LAMA3: variants seen among roughly 807,000 people sequenced by gnomAD.
LAMA3 encodes the protein laminin subunit alpha 3.
In LAMA3, 281 loss-of-function variants were observed where a neutral mutation model predicts 402.0. That is an observed-to-expected ratio of 0.70 (90% confidence interval 0.63 to 0.77). The LOEUF (loss-of-function observed/expected upper bound fraction) is 0.77. LAMA3 is among the 30% of genes least tolerant of loss of function. The pLI is 0.00. For missense variants in LAMA3, 3,840 were observed against 4,215.5 expected (o/e 0.91, Z 2.47); for synonymous variants, 1,431 against 1,558.4 (o/e 0.92, Z 1.93).
intron 29 of LAMA3, 72 bp downstream of exon 29, chr18:23,842,822 C>T: frequency 6.3e-7 from 1 of 1,577,678 alleles, no homozygotes; most frequent in Non-Finnish European, 8.7e-7. Context: ...GTCTGTTTAG[C>T]TCATGGAAAT....
intron 29 of LAMA3, among the ~76,000 whole-genome samples, chr18:23,844,704 T>C (rs192665129): frequency 1.2e-4 from 19 of 152,312 alleles, no homozygotes; most frequent in Admixed American, 1.2e-3. Context: ...GTTGAAAATC[T>C]CTTATCTGAA....
chr18:23,827,804 A>G (rs2144468746), intron 23 of LAMA3, among the ~76,000 whole-genome samples: 1 of 152,258 alleles, frequency 6.6e-6, no homozygotes, highest in South Asian at 2.1e-4. Flanking sequence ...ATGAGACTCA[A>G]TCTAGTAAGC....
At chr18:23,931,440 T>C (rs1343309902) in intron 65 of LAMA3, 1 of 493,190 alleles carries the variant, frequency 2.0e-6, no homozygotes, top group East Asian at 3.6e-5. Flanking sequence ...GAGGGTTGCT[T>C]GAGGCCAAGA....
intron 7 of LAMA3, among the ~76,000 whole-genome samples, chr18:23,759,873 A>G (rs1485580117): frequency 1.3e-5 from 2 of 152,150 alleles, no homozygotes; most frequent in Non-Finnish European, 2.9e-5. Context: ...TCTGAGTCCC[A>G]GGTGTTGCTT....
At position 23,758,187 on chromosome 18, in the gene LAMA3, C is replaced by T. The variant is rs555449512; in HGVS notation, c.948-209C>T. ...CAGGTATCTTAATACCTCTGATTCT[C>T]AGTCTCACCATCTGTAAAATGGAGA... On this transcript the variant is annotated intron_variant, in intron 6 of 74. Coordinates refer to ENST00000313654, the MANE Select transcript of LAMA3 (RefSeq NM_198129.4). Among the ~76,000 whole-genome samples, 20 of 152,368 alleles carry T rather than the reference C, an allele frequency of 1.3e-4. No individual in the cohort carries two copies. In the South Asian group the frequency reaches 3.9e-3, roughly 30 times the overall value.
chr18:23,803,344 A>G (rs886843775), intron 12 of LAMA3, among the ~76,000 whole-genome samples: 1 of 152,152 alleles, frequency 6.6e-6, no homozygotes, highest in Non-Finnish European at 1.5e-5. Context: ...GGTGAGTGGA[A>G]GTACATTTTG....
At chr18:23,734,080 G>A (rs1382672869) in intron 2 of LAMA3, among the ~76,000 whole-genome samples, 1 of 152,240 alleles carries the variant, frequency 6.6e-6, no homozygotes, top group African/African-American at 2.4e-5. Context: ...CGTGGGACAC[G>A]TGAGTGGAGA....
At chr18:23,766,771 A>C (rs867712256) in intron 8 of LAMA3, among the ~76,000 whole-genome samples, 76 of 152,132 alleles carry the variant, frequency 5.0e-4, no homozygotes, top group African/African-American at 1.7e-3. Context: ...CCCAGGAGGC[A>C]GAGGTTGCAG....
At position 23,933,782 on chromosome 18, in the gene LAMA3, G is replaced by A; in HGVS notation, c.8709G>A (p.Arg2903=). ...TCTTTCATTTCTGCTCTTTTTCCAG[G>A]TTATCACTGAGTCCTGAAGTCCTAG... ...EGCISNVFVQ[R]LSLSPEVLDL... is the part of the protein sequence containing the mutation. The change falls in exon 67 of 75, where the codon AGG becomes AGA. Residue 2903 remains arginine, a splice_region_variant and synonymous_variant. Coordinates refer to ENST00000313654, the MANE Select transcript of LAMA3 (RefSeq NM_198129.4). The A allele has an allele frequency of 2.5e-6, 4 of 1,614,066 alleles. No homozygotes were observed. The highest frequency in any genetic ancestry group is 1.7e-4 in the Middle Eastern group (1 of 6,010).
intron 69 of LAMA3, among the ~76,000 whole-genome samples, chr18:23,945,919 C>CT (rs903841734): frequency 1.0e-3 from 155 of 150,818 alleles, no homozygotes; most frequent in African/African-American, 3.6e-3. Flanking sequence ...TCTAAGCAAC[C>CT]TTTTTTTTTC....
At chr18:23,917,736 T>G (rs544785566) in intron 60 of LAMA3, among the ~76,000 whole-genome samples, 6 of 152,346 alleles carry the variant, frequency 3.9e-5, no homozygotes, top group East Asian at 3.9e-4. Flanking sequence ...ATTTAAGTTC[T>G]GATAGATTCT....
At position 23,833,855 on chromosome 18, in the gene LAMA3, C is replaced by G; in HGVS notation, c.2851C>G (p.Pro951Ala). 6.2e-7 allele frequency: 1 copy of G among 1,613,700 alleles called. No homozygotes were observed. Among genetic ancestry groups the G allele is most frequent in the Non-Finnish European group, 8.5e-7 (1 of 1,180,036 alleles). Reference sequence around the variant, plus strand: ...GGAATTGCATCTGCGGCTGCGCATCCCACAGGTTGGCCACTACGTGGTTGT... The same window carrying G: ...GGAATTGCATCTGCGGCTGCGCATCGCACAGGTTGGCCACTACGTGGTTGT... ...EVELHLRLRI[P>A]QVGHYVVVVE... The change falls in exon 24 of 75, where the codon CCA (proline) becomes GCA (alanine). Residue 951 changes from proline to alanine, a missense_variant. Coordinates refer to ENST00000313654, the MANE Select transcript of LAMA3 (RefSeq NM_198129.4).
rs758215903 is a variant in LAMA3 at position 23,817,847 on chromosome 18, A to G, written c.2147+1360A>G. Among the ~76,000 whole-genome samples, 218 of 152,296 alleles carry G rather than the reference A, an allele frequency of 1.4e-3. 2 individuals are homozygous for G. Among genetic ancestry groups the G allele is most frequent in the Non-Finnish European group, 1.6e-3 (107 of 68,020 alleles). On this transcript the variant is annotated intron_variant, in intron 18 of 74. Transcript: ENST00000313654. ...AGACCATTGAGCCTCCCCATGGGCC[A>G]GGGGAGCTTTGTAAATGCCTGCATA...
Position 23,943,891 on chromosome 18 carries a change from C to G in LAMA3, c.9130C>G (p.Leu3044Val). 4 of 1,614,048 alleles carry G rather than the reference C, an allele frequency of 2.5e-6. No individual in the cohort carries two copies. The highest frequency in any genetic ancestry group is 3.4e-6 in the Non-Finnish European group (4 of 1,179,930). Residue 3044 changes from leucine to valine, a missense_variant, in exon 69 of 75, where the codon CTG (leucine) becomes GTG (valine). Around this residue, in one of 3 missense-constraint regions of LAMA3, gnomAD observed 840 missense variants for 981.9 expected, o/e 0.86. Coordinates refer to ENST00000313654, the MANE Select transcript of LAMA3 (RefSeq NM_198129.4). ...GGCTCTTTATCTTTCAAAAGGACGT[C>G]TGGTCTTTGCACTGGGGACAGATGG... ...FMALYLSKGR[L>V]VFALGTDGKK...
At chr18:23,728,124 C>G (rs1043606431) in intron 2 of LAMA3, among the ~76,000 whole-genome samples, 5 of 152,200 alleles carry the variant, frequency 3.3e-5, no homozygotes, top group African/African-American at 1.2e-4. Context: ...TCTCCTCTGG[C>G]TCAGATTTGG....
chr18:23,772,592 G>C (rs2062225247), intron 8 of LAMA3, among the ~76,000 whole-genome samples: 1 of 152,198 alleles, frequency 6.6e-6, no homozygotes, highest in South Asian at 2.1e-4. Flanking sequence ...AGTGAATTCA[G>C]ATTTTAGCCT....
chr18:23,884,479 C>T (rs1382703710), intron 40 of LAMA3, among the ~76,000 whole-genome samples: 2 of 152,134 alleles, frequency 1.3e-5, no homozygotes, highest in African/African-American at 4.8e-5. Context: ...CTGTTGTAAT[C>T]ATCTCTTCCA....
chr18:23,879,814 G>A lies in LAMA3; in HGVS notation c.5113-2122G>A, dbSNP rs1270476534. Among the ~76,000 whole-genome samples, 1 of 152,180 alleles carries A rather than the reference G, an allele frequency of 6.6e-6. No homozygotes were observed. Among genetic ancestry groups the A allele is most frequent in the African/African-American group, 2.4e-5 (1 of 41,440 alleles). On this transcript the variant is annotated intron_variant, in intron 39 of 74. Coordinates refer to ENST00000313654, the MANE Select transcript of LAMA3 (RefSeq NM_198129.4). The surrounding 1 kb of genome is among the most constrained non-coding windows in gnomAD (Gnocchi z 4.2). ...GACTTTGTCAAGCAACACGGGTTTT[G>A]ACACTCTTCCTTGATCCTCTCCTCT...
At chr18:23,774,677 A>T (rs1023354385) in intron 9 of LAMA3, among the ~76,000 whole-genome samples, 9 of 152,238 alleles carry the variant, frequency 5.9e-5, no homozygotes, top group Non-Finnish European at 4.4e-5. Context: ...TGGTTGTCAC[A>T]GTTGGAAAGC....
Sources: gnomAD v4.1 joint callset for allele counts (sites outside exome capture counted in the v4.1 genomes callset) on GRCh38, gnomAD v4.1.1 for gene constraint, gnomAD v4.1.1 regional missense constraint, Gnocchi (gnomAD v3.1) non-coding constraint, MANE v1.5 for transcripts, NCBI Gene and HGNC (gene_info 2026-07-23, HGNC 2026-07-21) for gene names.